SLIT2: variants seen among roughly 807,000 people sequenced by gnomAD.
The protein encoded by SLIT2 is slit guidance ligand 2, also known as slit homolog 2 protein.
A neutral mutation model predicts 185.7 loss-of-function variants in SLIT2; 41 were observed. The observed-to-expected ratio is 0.22, with a 90% CI of 0.17 to 0.29. SLIT2 has a LOEUF of 0.29. Among genes scored for constraint, SLIT2 ranks in the 10% least tolerant of loss-of-function variants. The probability of loss-of-function intolerance (pLI) is 1.00; values close to 1 mark genes in which losing one functional copy is unlikely to be tolerated. For missense variants in SLIT2, 1,571 were observed against 1,909.0 expected, an observed-to-expected ratio of 0.82 and a Z score of 3.30; for synonymous variants, 693 against 680.2, an observed-to-expected ratio of 1.02 and a Z score of -0.29.
chr4:20,309,853 G>A (rs773096226), intron 4 of SLIT2, among the ~76,000 whole-genome samples: 12 of 148,728 alleles, frequency 8.1e-5, no homozygotes, highest in Non-Finnish European at 8.9e-5. Context: ...TCCGCCTCCC[G>A]GGTTCATGCC....
intron 4 of SLIT2, among the ~76,000 whole-genome samples, chr4:20,462,894 A>G (rs976336334): frequency 6.6e-6 from 1 of 152,176 alleles, no homozygotes; most frequent in South Asian, 2.1e-4. Context: ...TTTAGCAGGT[A>G]TACTCAGGAG....
In SLIT2 at chr4:20,254,662, A is replaced by C. The variant is rs1351849100; in HGVS notation, c.179+668A>C. Among the ~76,000 whole-genome samples, 4 of 151,988 alleles carry C rather than the reference A, an allele frequency of 2.6e-5. No homozygotes were observed. Among genetic ancestry groups the C allele is most frequent in the Non-Finnish European group, 5.9e-5 (4 of 67,994 alleles). On this transcript the variant is annotated intron_variant, in intron 1 of 36. Coordinates refer to ENST00000504154, the MANE Select transcript of SLIT2 (RefSeq NM_004787.4). This position sits in a 1 kb window ranked among gnomAD's most constrained non-coding sequence, Gnocchi z 5.1. ...CGTCAGGCCCCTAGGGACTTGTCTC[A>C]GCGGGCGACTGCGAGGGAGGACCGT...
intron 4 of SLIT2, among the ~76,000 whole-genome samples, chr4:20,357,906 A>T (rs1722456301): frequency 6.6e-6 from 1 of 152,140 alleles, no homozygotes; most frequent in African/African-American, 2.4e-5. Flanking sequence ...AAGTTTATTA[A>T]TAACATCATA....
At chr4:20,524,612 C>T (rs1349982530) in intron 14 of SLIT2, among the ~76,000 whole-genome samples, 4 of 152,180 alleles carry the variant, frequency 2.6e-5, no homozygotes, top group Admixed American at 6.5e-5. Flanking sequence ...AGTACAGGGG[C>T]GCCAGGAGGG....
intron 4 of SLIT2, among the ~76,000 whole-genome samples, chr4:20,310,078 G>T (rs1424867035): frequency 6.6e-6 from 1 of 151,924 alleles, no homozygotes; most frequent in Non-Finnish European, 1.5e-5. Context: ...TCTCTTATCA[G>T]ATCTGGTGGT....
At chr4:20,594,992 G>T (rs1727857724) in intron 30 of SLIT2, among the ~76,000 whole-genome samples, 1 of 152,144 alleles carries the variant, frequency 6.6e-6, no homozygotes. Flanking sequence ...GTGAATGTCA[G>T]CTGTATTATT....
intron 5 of SLIT2, among the ~76,000 whole-genome samples, chr4:20,473,534 C>G (rs543342311): frequency 1.3e-5 from 2 of 151,850 alleles, no homozygotes; most frequent in African/African-American, 4.8e-5. Context: ...AGAGAGTTCA[C>G]CTATGTGTTG....
Position 20,467,824 on chromosome 4 carries a change from G to A in SLIT2, c.467+1G>A. 6.5e-7 allele frequency: 1 copy of A among 1,534,080 alleles called. No homozygotes were observed. Among genetic ancestry groups the A allele is most frequent in the Non-Finnish European group, 8.9e-7 (1 of 1,119,202 alleles). ...GTGGGGCAGTTGACATAAAAAATTTGTAAGTATCTATTTTTAAATTTATAG... is the reference window on the plus strand; with the variant it reads ...GTGGGGCAGTTGACATAAAAAATTTATAAGTATCTATTTTTAAATTTATAG... On this transcript the variant is annotated splice_donor_variant, in intron 5 of 36. Coordinates refer to ENST00000504154, the MANE Select transcript of SLIT2 (RefSeq NM_004787.4). LOFTEE classifies it high-confidence loss of function.
chr4:20,373,407 TAA>T (rs751239788), intron 4 of SLIT2, among the ~76,000 whole-genome samples: 1 of 152,112 alleles, frequency 6.6e-6, no homozygotes, highest in African/African-American at 2.4e-5. Flanking sequence ...AAGGAAATTT[TAA>T]AGAGATAAAA....
chr4:20,564,196 A>T (rs1313542904), intron 26 of SLIT2, among the ~76,000 whole-genome samples: 2 of 151,776 alleles, frequency 1.3e-5, no homozygotes, highest in African/African-American at 4.8e-5. Context: ...GTGCTCTGAG[A>T]AAGTGTAGTG....
At chr4:20,424,389 G>A (rs1464398976) in intron 4 of SLIT2, among the ~76,000 whole-genome samples, 1 of 151,934 alleles carries the variant, frequency 6.6e-6, no homozygotes, top group Non-Finnish European at 1.5e-5. Context: ...AATACATCAA[G>A]AAGTTCAAAT....
chr4:20,369,006 C>T (rs993735227), intron 4 of SLIT2, among the ~76,000 whole-genome samples: 2 of 152,096 alleles, frequency 1.3e-5, no homozygotes, highest in Non-Finnish European at 2.9e-5. Flanking sequence ...TCAGCCACTA[C>T]TTCTGGTTTT....
At chr4:20,470,724 C>T (rs953840016) in intron 5 of SLIT2, among the ~76,000 whole-genome samples, 7 of 151,950 alleles carry the variant, frequency 4.6e-5, no homozygotes, top group East Asian at 1.9e-4. Context: ...TATGGGTGCC[C>T]GCCACCATAC....
At chr4:20,315,757 A>T (rs2109147315) in intron 4 of SLIT2, among the ~76,000 whole-genome samples, 1 of 152,196 alleles carries the variant, frequency 6.6e-6, no homozygotes. Flanking sequence ...TCTTTACATT[A>T]GGTAGTAGAT....
At chr4:20,526,205 A>G (rs530218917) in intron 15 of SLIT2, among the ~76,000 whole-genome samples, 5 of 152,150 alleles carry the variant, frequency 3.3e-5, no homozygotes, top group African/African-American at 2.4e-5. Context: ...TTTTAAGGAG[A>G]TATTTGTTAG....
intron 4 of SLIT2, among the ~76,000 whole-genome samples, chr4:20,314,770 T>C (rs1718418728): frequency 6.6e-6 from 1 of 152,048 alleles, no homozygotes; most frequent in South Asian, 2.1e-4. Flanking sequence ...TAACAGGTAA[T>C]TCACAAAGAA....
chr4:20,348,712 C>T (rs1263214743), intron 4 of SLIT2, among the ~76,000 whole-genome samples: 1 of 152,162 alleles, frequency 6.6e-6, no homozygotes. Context: ...AATATAAGTG[C>T]TCTGTCATTA....
chr4:20,508,259 ATG>A (rs1343544724), intron 9 of SLIT2, among the ~76,000 whole-genome samples: 7 of 151,990 alleles, frequency 4.6e-5, no homozygotes, highest in African/African-American at 9.7e-5. Context: ...AGTTAAGAGG[ATG>A]TCCTTGGGTA....
chr4:20,554,620 C>A (rs1337120554), intron 26 of SLIT2, among the ~76,000 whole-genome samples: 1 of 152,046 alleles, frequency 6.6e-6, no homozygotes, highest in Non-Finnish European at 1.5e-5. Flanking sequence ...AGTCAGCATA[C>A]CTGGAGATAA....
Sources: gnomAD v4.1 joint callset for allele counts (sites outside exome capture counted in the v4.1 genomes callset) on GRCh38, gnomAD v4.1.1 for gene constraint, Gnocchi (gnomAD v3.1) non-coding constraint, MANE v1.5 for transcripts, NCBI Gene and HGNC (gene_info 2026-07-23, HGNC 2026-07-21) for gene names.